Variants in MYO19 observed in about 807,000 individuals in gnomAD.
MYO19 encodes myosin XIX.
In MYO19, 132 loss-of-function variants were observed where a neutral mutation model predicts 129.2. That is an observed-to-expected ratio of 1.02 (90% CI 0.89 to 1.18). The LOEUF is 1.18. MYO19 is among the 50% of genes most tolerant of loss of function. MYO19 has a pLI of 0.00. For synonymous variants in MYO19, 531 were observed against 477.2 expected (o/e 1.11, Z -1.47); for missense variants, 1,210 against 1,216.7 (o/e 0.99, Z 0.08).
chr17:36,510,654 G>A, intron 13 of MYO19, 92 bp downstream of exon 13: 1 of 1,401,224 alleles, frequency 7.1e-7, no homozygotes. Context: ...CCCTGGGCCT[G>A]TGCCTATTGC....
chr17:36,528,280 G>C lies in MYO19; in HGVS notation c.13-78C>G, dbSNP rs964216024. The C allele has an allele frequency of 3.5e-6, 5 of 1,444,028 alleles. No homozygotes were observed. In the South Asian group the frequency reaches 6.3e-5, roughly 18 times the overall value. 89.5% of individuals were successfully genotyped at this position (1,444,028 alleles called of 1,614,324 possible). A position where few individuals can be genotyped will look rare whatever the true frequency, so the allele number is the denominator to read the frequency against. On this transcript the variant is annotated intron_variant, in intron 3 of 25. Coordinates refer to ENST00000614623, the MANE Select transcript of MYO19 (RefSeq NM_001163735.2). ...TCCCAGCACTCTGGGAGGCCAAGGCGGGCAGGACACAAAGTGAGGAGATCG... is the reference window on the plus strand; with the variant it reads ...TCCCAGCACTCTGGGAGGCCAAGGCCGGCAGGACACAAAGTGAGGAGATCG...
intron 11 of MYO19, among the ~76,000 whole-genome samples, chr17:36,512,442 C>A (rs2072423242): frequency 6.6e-6 from 1 of 151,774 alleles, no homozygotes; most frequent in South Asian, 2.1e-4. Flanking sequence ...GACACAGGGA[C>A]CCCACCCACC....
At chr17:36,505,756 G>A (rs1402641154) in intron 18 of MYO19, among the ~76,000 whole-genome samples, 1 of 152,164 alleles carries the variant, frequency 6.6e-6, no homozygotes, top group Non-Finnish European at 1.5e-5. Context: ...CATTCGTCCA[G>A]CAACAACTGT....
intron 24 of MYO19, 138 bp from the exon 25 acceptor site, chr17:36,498,697 G>T: frequency 1.0e-6 from 1 of 961,628 alleles, no homozygotes; most frequent in Non-Finnish European, 1.5e-6. Context: ...TGGCTGCCCT[G>T]AACCAAACTG....
intron 20 of MYO19, among the ~76,000 whole-genome samples, chr17:36,503,517 C>T (rs1171708454): frequency 6.6e-6 from 1 of 152,256 alleles, no homozygotes; most frequent in African/African-American, 2.4e-5. Context: ...TCTCCCCAAA[C>T]AATTGGACCA....
intron 9 of MYO19, 150 bp from the exon 10 acceptor site, chr17:36,513,875 G>T (rs1367232603): frequency 3.0e-6 from 2 of 665,102 alleles, no homozygotes; most frequent in African/African-American, 1.8e-5. Context: ...CAGGTATGGG[G>T]GCAAAAGATG....
chr17:36,520,777 C>A (rs1009575427), intron 6 of MYO19, among the ~76,000 whole-genome samples: 3 of 152,132 alleles, frequency 2.0e-5, no homozygotes, highest in African/African-American at 7.2e-5. Context: ...ACATATAACA[C>A]ACAAAATACG....
chr17:36,509,896 A>T (rs62070728), intron 13 of MYO19: 4 of 152,238 alleles, frequency 2.6e-5, no homozygotes, highest in African/African-American at 9.6e-5. Flanking sequence ...CTTTGACCTC[A>T]AATTGTGACC....
At position 36,496,268 on chromosome 17, in the gene MYO19, A is replaced by C; in HGVS notation, c.2896T>G (p.Phe966Val). The C allele has an allele frequency of 6.2e-7, 1 of 1,614,056 alleles. No homozygotes were observed. Among genetic ancestry groups the C allele is most frequent in the African/African-American group, 1.3e-5 (1 of 75,062 alleles). ...ACCAAGGATCACCCCAGCCCAGTGA[A>C]GGCAGAAGAGGTCACGTGGATCAGC... ...HRLIHVTSSA[F>V]TGLG The change falls in exon 26 of 26, where the codon TTC becomes GTC. Residue 966 changes from phenylalanine (F) to valine (V), a missense_variant. Transcript: ENST00000614623.
chr17:36,540,236 T>TA (rs2074189850), intron 2 of MYO19, among the ~76,000 whole-genome samples: 2 of 152,220 alleles, frequency 1.3e-5, no homozygotes, highest in Admixed American at 1.3e-4. Flanking sequence ...TTTAAATCTG[T>TA]AAAAAATAGA....
In MYO19 at chr17:36,528,045, A is replaced by T. The variant is rs370915801; in HGVS notation, c.151+19T>A. 3.1e-5 allele frequency: 50 copies of T among 1,605,820 alleles called. No individual in the cohort carries two copies. In the African/African-American group the frequency reaches 6.0e-4, roughly 19 times the overall value. ...CAACCTCCTGGAGATGATACTCCTGAGGAATGGGAGGCCCATACCTGTCTC... is the reference window on the plus strand; with the variant it reads ...CAACCTCCTGGAGATGATACTCCTGTGGAATGGGAGGCCCATACCTGTCTC... On this transcript the variant is annotated intron_variant, in intron 4 of 25. Coordinates refer to ENST00000614623, the MANE Select transcript of MYO19 (RefSeq NM_001163735.2).
Position 36,513,453 on chromosome 17 carries a change from G to A in MYO19, c.870C>T (p.Thr290=). 1 of 1,614,022 alleles carries A rather than the reference G, an allele frequency of 6.2e-7. No individual in the cohort carries two copies. Among genetic ancestry groups the A allele is most frequent in the Non-Finnish European group, 8.5e-7 (1 of 1,179,896 alleles). The part of the protein sequence containing the change: ...REAMLHLGID[T]PTQNNIFKVL... ...CCTTAAAGATGTTGTTCTGGGTAGGGGTGTCAATGCCCAAATGGAGCATGG... is the reference window on the plus strand; with the variant it reads ...CCTTAAAGATGTTGTTCTGGGTAGGAGTGTCAATGCCCAAATGGAGCATGG... The change falls in exon 11 of 26, where the codon ACC becomes ACT. Residue 290 remains threonine, a synonymous_variant. Transcript: ENST00000614623.
intron 6 of MYO19, among the ~76,000 whole-genome samples, chr17:36,524,959 G>A (rs1057278955): frequency 2.6e-5 from 4 of 152,160 alleles, no homozygotes; most frequent in African/African-American, 9.7e-5. Flanking sequence ...AGACACTTTC[G>A]ATGAGAAAAT....
At chr17:36,514,637 C>G (rs913973300) in intron 8 of MYO19, 89 bp from the exon 9 acceptor site, 22 of 836,174 alleles carry the variant, frequency 2.6e-5, no homozygotes, top group Non-Finnish European at 3.8e-5. Flanking sequence ...TGCCTGCTAC[C>G]TGGCAACTCC....
chr17:36,511,664 G>A (rs577815363), intron 11 of MYO19, among the ~76,000 whole-genome samples: 25 of 152,260 alleles, frequency 1.6e-4, no homozygotes, highest in Admixed American at 2.6e-4. Context: ...TATGTGCTAC[G>A]CCACTGCCTA....
intron 2 of MYO19, among the ~76,000 whole-genome samples, 174 bp from the exon 3 acceptor site, chr17:36,532,855 G>A (rs2073907034): frequency 6.6e-6 from 1 of 152,138 alleles, no homozygotes; most frequent in Admixed American, 6.5e-5. Context: ...ACTTTTATGA[G>A]AGCCTCAGAG....
chr17:36,528,028 T>C, intron 4 of MYO19, 36 bp downstream of exon 4: 2 of 1,598,020 alleles, frequency 1.3e-6, no homozygotes, highest in Non-Finnish European at 1.7e-6. Context: ...TCCAACCTCC[T>C]GGAGATGATA....
chr17:36,513,503 C>A lies in MYO19; in HGVS notation c.820G>T (p.Asp274Tyr). Residue 274 changes from aspartate to tyrosine, a missense_variant and splice_region_variant, in exon 11 of 26, where the codon GAT becomes TAT. Physicochemically the swap from Asp to Tyr is radical, Grantham distance 160 (BLOSUM62 -3). Transcript: ENST00000614623. Reference sequence around the variant, plus strand: ...GCCTCTCTGGTCACCTCAAAACAATCCTCTGAAAAAGAATCCAAGTTCGGG... The same window carrying A: ...GCCTCTCTGGTCACCTCAAAACAATACTCTGAAAAAGAATCCAAGTTCGGG... ...LPNPERSLEE[D>Y]CFEVTREAML... 2 of 1,613,900 alleles carry A rather than the reference C, an allele frequency of 1.2e-6. No homozygotes were observed. The highest frequency in any genetic ancestry group is 1.7e-6 in the Non-Finnish European group (2 of 1,179,848).
At chr17:36,537,282 T>G, upstream of MYO19, 7 of 1,614,108 alleles carry the variant, frequency 4.3e-6, no homozygotes, top group Non-Finnish European at 5.1e-6. Context: ...CCTCACTGAC[T>G]TTGTTGTCCT....
Sources: gnomAD v4.1 joint callset for allele counts (sites outside exome capture counted in the v4.1 genomes callset) on GRCh38, gnomAD v4.1.1 for gene constraint, MANE v1.5 for transcripts, NCBI Gene and HGNC (gene_info 2026-07-23, HGNC 2026-07-21) for gene names.